Variants in SMG6 observed in about 807,000 individuals in gnomAD.
SMG6 encodes SMG6 nonsense mediated mRNA decay factor.
A neutral mutation model predicts 142.2 loss-of-function variants in SMG6; 66 were observed. That is an observed-to-expected ratio of 0.46 (90% CI 0.38 to 0.57). The LOEUF (loss-of-function observed/expected upper bound fraction) is 0.57, where lower values mean the gene tolerates loss of function less well. Ranked by LOEUF, SMG6 falls within the 20% of genes least tolerant of loss-of-function variation. The pLI, the probability that SMG6 is intolerant of heterozygous loss-of-function variation, is 0.00. For missense variants in SMG6, 1,793 were observed against 1,832.0 expected (o/e 0.98, Z 0.39); for synonymous variants, 779 against 702.4 (o/e 1.11, Z -1.72).
intron 13 of SMG6, among the ~76,000 whole-genome samples, chr17:2,113,221 C>T (rs995585759): frequency 3.3e-5 from 5 of 152,010 alleles, no homozygotes; most frequent in South Asian, 2.1e-4. Flanking sequence ...GCATTGCAGG[C>T]GTGTGCCACC....
chr17:2,265,522 C>A (rs964477283), intron 8 of SMG6, among the ~76,000 whole-genome samples: 2 of 143,264 alleles, frequency 1.4e-5, no homozygotes, highest in African/African-American at 4.9e-5. Context: ...AAAAAAAAAA[C>A]TGTCTGCTTA....
chr17:2,133,852 T>C (rs2151553890), intron 13 of SMG6, among the ~76,000 whole-genome samples: 1 of 152,318 alleles, frequency 6.6e-6, no homozygotes, highest in South Asian at 2.1e-4. Context: ...ACCCTTTCTG[T>C]TTTCTTCCTC....
At chr17:2,181,451 C>G (rs2071802948) in intron 12 of SMG6, among the ~76,000 whole-genome samples, 1 of 152,252 alleles carries the variant, frequency 6.6e-6, no homozygotes, top group African/African-American at 2.4e-5. Flanking sequence ...CTGATCCTAA[C>G]TGCAGAGAGA....
rs1386272269 is a variant in SMG6, at chr17:2,172,641, T to C, written c.3357+17A>G. The C allele has an allele frequency of 2.5e-6, 4 of 1,612,324 alleles. No individual in the cohort carries two copies. The highest frequency in any genetic ancestry group is 3.4e-6 in the Non-Finnish European group (4 of 1,179,674). On this transcript the variant is annotated intron_variant, in intron 13 of 18. Transcript: ENST00000263073. The stretch of plus-strand genomic sequence containing the variant: ...GAGGAGGGGCGAATGGGGAGGGATG[T>C]TTGGCCTGGGGCTGACCTTATCCGA...
chr17:2,204,539 A>G (rs2072622241), intron 10 of SMG6, among the ~76,000 whole-genome samples: 1 of 152,226 alleles, frequency 6.6e-6, no homozygotes, highest in Non-Finnish European at 1.5e-5. Context: ...CAGGAGAATA[A>G]TAAGCTAGAT....
At chr17:2,107,165 G>A (rs996032966) in intron 13 of SMG6, among the ~76,000 whole-genome samples, 1 of 152,098 alleles carries the variant, frequency 6.6e-6, no homozygotes, top group South Asian at 2.1e-4. Context: ...CTCTATGCAG[G>A]ATTCCTAATA....
rs73979436 is a variant in SMG6 at position 2,239,083 on chromosome 17, C to T, written c.2724-2446G>A. On this transcript the variant is annotated intron_variant, in intron 9 of 18. Coordinates refer to ENST00000263073, the MANE Select transcript of SMG6 (RefSeq NM_017575.5). ...AATGCTATCTAATTCTGGCCTCAAA[C>T]TACCTGTAAGTAGTTTTATGTCTTT... Among the ~76,000 whole-genome samples the T allele has an allele frequency of 3.7e-3, 560 of 152,288 alleles. 5 individuals carry two copies. The highest frequency in any genetic ancestry group is 0.013 in the African/African-American group (532 of 41,554).
chr17:2,259,127 C>T (rs781251795), intron 8 of SMG6, among the ~76,000 whole-genome samples: 19 of 151,732 alleles, frequency 1.3e-4, no homozygotes, highest in Non-Finnish European at 2.2e-4. Flanking sequence ...GAGACAGACA[C>T]GGAGAATGTT....
In SMG6 at chr17:2,184,960, CAAAAAAAA is replaced by C. The variant is rs58230459; in HGVS notation, c.3155+1695_3155+1702del. 4.9e-3 allele frequency among the ~76,000 whole-genome samples: 110 copies of C among 22,466 alleles called. 1 individual carries two copies. The highest frequency in any genetic ancestry group is 0.023 in the African/African-American group (95 of 4,106). 14.7% of individuals were successfully genotyped at this position (22,466 alleles called of 152,430 possible). ...TGGGAGACAGAGCGGGACTCCATCT[CAAAAAAAA>C]AAAAAAAAAAAAAAAAAAGACAGCT... On this transcript the variant is annotated intron_variant, in intron 12 of 18. Transcript: ENST00000263073.
chr17:2,164,997 C>T (rs2071291049), intron 13 of SMG6, among the ~76,000 whole-genome samples: 1 of 151,872 alleles, frequency 6.6e-6, no homozygotes, highest in Admixed American at 6.6e-5. Flanking sequence ...CGTAAGGTAA[C>T]ATGTAACAGG....
chr17:2,096,573 T>G (rs898445573), intron 13 of SMG6, among the ~76,000 whole-genome samples: 1 of 152,082 alleles, frequency 6.6e-6, no homozygotes, highest in Non-Finnish European at 1.5e-5. Flanking sequence ...CTCAAACTCA[T>G]AGCTTTAAGT....
intron 13 of SMG6, among the ~76,000 whole-genome samples, chr17:2,144,050 T>C (rs954618745): frequency 5.5e-4 from 2 of 3,666 alleles, no homozygotes; most frequent in Admixed American, 3.2e-3. Flanking sequence ...CCACGGCCGC[T>C]TTTTTTTTTT....
At chr17:2,147,921 G>A (rs904957738) in intron 13 of SMG6, among the ~76,000 whole-genome samples, 2 of 152,126 alleles carry the variant, frequency 1.3e-5, no homozygotes, top group African/African-American at 2.4e-5. Flanking sequence ...GACCGGGCAC[G>A]GTGCCTCACG....
At chr17:2,187,805 G>A (rs1299658242) in intron 11 of SMG6, among the ~76,000 whole-genome samples, 1 of 151,652 alleles carries the variant, frequency 6.6e-6, no homozygotes, top group African/African-American at 2.4e-5. Flanking sequence ...GGCATGGGGT[G>A]ACAGTGGGGT....
Position 2,081,858 on chromosome 17 carries a change from A to T in SMG6, c.3633T>A (p.Ala1211=), listed in dbSNP as rs568538894. Reference sequence around the variant, plus strand: ...GCTGCTCAGCTATCTTCCTGGCCAGAGCCAGCTTCTTGGCCCGAAGCTCCC... The same window carrying T: ...GCTGCTCAGCTATCTTCCTGGCCAGTGCCAGCTTCTTGGCCCGAAGCTCCC... ...DIRELRAKKL[A]LARKIAEQQR... Residue 1211 remains alanine, a synonymous_variant, in exon 15 of 19, where the codon GCT becomes GCA. Transcript: ENST00000263073. The T allele has an allele frequency of 6.2e-7, 1 of 1,614,072 alleles. No homozygotes were observed. Among genetic ancestry groups the T allele is most frequent in the South Asian group, 1.1e-5 (1 of 91,090 alleles).
At chr17:2,295,537 TTGA>T (rs1424876019) in intron 4 of SMG6, among the ~76,000 whole-genome samples, 1 of 152,208 alleles carries the variant, frequency 6.6e-6, no homozygotes, top group Non-Finnish European at 1.5e-5. Context: ...AAATTAACTC[TTGA>T]TAAGTTCATC....
rs17821781 is a variant in SMG6 at position 2,260,246 on chromosome 17, G to A, written c.2662-15527C>T. Among the ~76,000 whole-genome samples the A allele has an allele frequency of 0.012, 1,774 of 152,318 alleles. 94 individuals carry two copies. In the East Asian group the frequency reaches 0.15, roughly 13 times the overall value. On this transcript the variant is annotated intron_variant, in intron 8 of 18. Coordinates refer to ENST00000263073, the MANE Select transcript of SMG6 (RefSeq NM_017575.5). ...ACACTAAAAACAAGGCTAGAAACACGCATTGCAGATCTTCTGGGATTCCAC... is the reference window on the plus strand; with the variant it reads ...ACACTAAAAACAAGGCTAGAAACACACATTGCAGATCTTCTGGGATTCCAC...
intron 10 of SMG6, among the ~76,000 whole-genome samples, chr17:2,225,032 G>A (rs1346769253): frequency 6.6e-6 from 1 of 152,064 alleles, no homozygotes; most frequent in Non-Finnish European, 1.5e-5. Flanking sequence ...GTAAAATAAA[G>A]CATTTTCAGA....
intron 4 of SMG6, among the ~76,000 whole-genome samples, chr17:2,295,639 C>A (rs1200589211): frequency 6.6e-6 from 1 of 151,962 alleles, no homozygotes; most frequent in African/African-American, 2.4e-5. Flanking sequence ...GAAATGTAAC[C>A]CCCGTTTCTG....
Sources: gnomAD v4.1 joint callset for allele counts (sites outside exome capture counted in the v4.1 genomes callset) on GRCh38, gnomAD v4.1.1 for gene constraint, MANE v1.5 for transcripts, NCBI Gene and HGNC (gene_info 2026-07-23, HGNC 2026-07-21) for gene names.